Variants in ARHGAP17 observed in about 807,000 individuals in gnomAD.
ARHGAP17 encodes Rho GTPase activating protein 17.
ARHGAP17 carries 57 observed loss-of-function variants against 99.5 expected under a neutral mutation model. The ratio of observed to expected loss-of-function variants is 0.57; its 90% CI spans 0.46 to 0.71. The LOEUF (loss-of-function observed/expected upper bound fraction) is 0.71, where lower values mean the gene tolerates loss of function less well. Ranked by LOEUF, ARHGAP17 falls within the 30% of genes least tolerant of loss-of-function variation. The pLI, the probability that ARHGAP17 is intolerant of heterozygous loss-of-function variation, is 0.00. For synonymous variants in ARHGAP17, 417 were observed against 429.6 expected (o/e 0.97, Z 0.36); for missense variants, 1,000 against 1,122.4 (o/e 0.89, Z 1.56).
rs1285259763 is a variant in ARHGAP17 at position 24,952,976 on chromosome 16, T to C, written c.919A>G (p.Thr307Ala). Residue 307 changes from threonine (T) to alanine (A), a missense_variant, in exon 11 of 20, where the codon ACT becomes GCT. Physicochemically the swap from Thr to Ala is moderately conservative, Grantham distance 58. Transcript: ENST00000289968. ...KKLKAALDCS[T>A]SHLDEFYSDP... ...GAATAGAACTCATCCAGGTGAGAAG[T>C]AGAACAGTCCAAAGCAGCTTTCAGC... 5.6e-6 allele frequency: 9 copies of C among 1,614,074 alleles called. No homozygotes were observed. Among genetic ancestry groups the C allele is most frequent in the Middle Eastern group, 1.6e-4 (1 of 6,084 alleles).
At chr16:25,004,553 G>A (rs897535151) in intron 1 of ARHGAP17, among the ~76,000 whole-genome samples, 1 of 152,134 alleles carries the variant, frequency 6.6e-6, no homozygotes, top group Non-Finnish European at 1.5e-5. Flanking sequence ...ACAGCTGATG[G>A]GTGCTTTTAA....
chr16:24,968,793 A>G, intron 4 of ARHGAP17, 21 bp from the exon 5 acceptor site: 2 of 1,610,928 alleles, frequency 1.2e-6, no homozygotes, highest in Non-Finnish European at 1.7e-6. Context: ...AAGACCCCCA[A>G]CAACGAGCAC....
At chr16:24,960,799 G>C (rs2141272672) in intron 7 of ARHGAP17, among the ~76,000 whole-genome samples, 1 of 148,654 alleles carries the variant, frequency 6.7e-6, no homozygotes, top group South Asian at 2.4e-4. Flanking sequence ...CCTGGCAACA[G>C]TGCAAGACTC....
intron 1 of ARHGAP17, among the ~76,000 whole-genome samples, chr16:24,990,063 T>C (rs1232556995): frequency 1.3e-5 from 2 of 152,236 alleles, no homozygotes; most frequent in Admixed American, 1.3e-4. Context: ...GATACGATAA[T>C]TATGCTGATT....
Position 24,939,524 on chromosome 16 carries a change from C to A in ARHGAP17, c.1564G>T (p.Ala522Ser). Residue 522 changes from alanine to serine, a missense_variant, in exon 17 of 20, where the codon GCT becomes TCT. By Grantham distance (99) the Ala-to-Ser change is moderately conservative. Coordinates refer to ENST00000289968, the MANE Select transcript of ARHGAP17 (RefSeq NM_001006634.3). ...GTGGGCGGAAGTGGCGGCTGGAAAGCGGGGGATATGTGCTTTCTATTTAGA... is the reference window on the plus strand; with the variant it reads ...GTGGGCGGAAGTGGCGGCTGGAAAGAGGGGGATATGTGCTTTCTATTTAGA... The part of the protein sequence containing the change: ...GTLNRKHISP[A>S]FQPPLPPTDG... 1 of 1,608,622 alleles carries A rather than the reference C, an allele frequency of 6.2e-7. No individual in the cohort carries two copies. The highest frequency in any genetic ancestry group is 1.7e-5 in the Admixed American group (1 of 58,980).
At chr16:24,998,033 G>A (rs372351202) in intron 1 of ARHGAP17, among the ~76,000 whole-genome samples, 17 of 152,150 alleles carry the variant, frequency 1.1e-4, no homozygotes, top group African/African-American at 3.9e-4. Flanking sequence ...GAGGCCCTGG[G>A]ACACAGCGGA....
At chr16:24,939,141 G>A (rs1426213184) in intron 17 of ARHGAP17, among the ~76,000 whole-genome samples, 1 of 152,200 alleles carries the variant, frequency 6.6e-6, no homozygotes, top group Non-Finnish European at 1.5e-5. Flanking sequence ...AAAGCAGTGT[G>A]GCAAAGAATG....
rs765374262 is a variant in ARHGAP17, at chr16:24,935,605, C to T, written c.1759G>A (p.Val587Met). The change falls in exon 18 of 20, where the codon GTG becomes ATG. Residue 587 changes from valine to methionine, a missense_variant. Val to Met is a conservative substitution (Grantham distance 21). Coordinates refer to ENST00000289968, the MANE Select transcript of ARHGAP17 (RefSeq NM_001006634.3). ...CTGTTGTTTCTCCCTGGTGCTGGCA[C>T]AGCTGCAGATACAGGGTCCTTCGGT... The part of the protein sequence containing the change: ...PKPKDPVSAA[V>M]PAPGRNNSQI... 4.0e-5 allele frequency: 65 copies of T among 1,614,150 alleles called. 1 individual carries two copies. The East Asian group carries it at 7.8e-4, about 19-fold the overall frequency.
Position 24,991,781 on chromosome 16 carries a change from C to T in ARHGAP17, c.54-12776G>A, listed in dbSNP as rs529054541. 2.6e-5 allele frequency among the ~76,000 whole-genome samples: 4 copies of T among 152,226 alleles called. No homozygotes were observed. The South Asian group carries it at 8.3e-4, about 32-fold the overall frequency. Reference sequence around the variant, plus strand: ...AGTCTCCAAGTATAAACCATCCATCCGAGGATGGACTTACTTCAAGAGCCT... The same window carrying T: ...AGTCTCCAAGTATAAACCATCCATCTGAGGATGGACTTACTTCAAGAGCCT... On this transcript the variant is annotated intron_variant, in intron 1 of 19. Transcript: ENST00000289968.
In ARHGAP17 at chr16:24,952,980, A is replaced by C; in HGVS notation, c.915T>G (p.Cys305Trp). The C allele has an allele frequency of 6.2e-7, 1 of 1,614,242 alleles. No homozygotes were observed. Among genetic ancestry groups the C allele is most frequent in the Non-Finnish European group, 8.5e-7 (1 of 1,180,042 alleles). ...KLKKLKAALD[C>W]STSHLDEFYS... ...AGAACTCATCCAGGTGAGAAGTAGA[A>C]CAGTCCAAAGCAGCTTTCAGCTTCT... Residue 305 changes from cysteine to tryptophan, a missense_variant, in exon 11 of 20, where the codon TGT becomes TGG. Coordinates refer to ENST00000289968, the MANE Select transcript of ARHGAP17 (RefSeq NM_001006634.3).
At position 24,935,535 on chromosome 16, in the gene ARHGAP17, G is replaced by A; in HGVS notation, c.1829C>T (p.Ser610Phe). Residue 610 changes from serine to phenylalanine, a missense_variant, in exon 18 of 20, where the codon TCC becomes TTC. Transcript: ENST00000289968. ...GQNQPQAAAG[S>F]HQLSMGQPHN... ...AGGTTGGCCCATGGAGAGCTGGTGG[G>A]AGCCAGCAGCTGCCTGGGGCTGATT... is the stretch of plus-strand genomic sequence containing the variant. 6.2e-7 allele frequency: 1 copy of A among 1,613,664 alleles called. No homozygotes were observed. Among genetic ancestry groups the A allele is most frequent in the East Asian group, 2.2e-5 (1 of 44,868 alleles).
chr16:24,990,741 T>C (rs981803152), intron 1 of ARHGAP17, among the ~76,000 whole-genome samples: 1 of 148,774 alleles, frequency 6.7e-6, no homozygotes, highest in Non-Finnish European at 1.5e-5. Flanking sequence ...CTAAAACAAA[T>C]GAATTAGAAC....
intron 3 of ARHGAP17, among the ~76,000 whole-genome samples, chr16:24,976,257 T>C (rs1172534430): frequency 6.6e-6 from 1 of 152,226 alleles, no homozygotes; most frequent in Non-Finnish European, 1.5e-5. Flanking sequence ...CCAAGTATGG[T>C]GGCTCATGCC....
At chr16:24,995,082 C>T (rs2053155713) in intron 1 of ARHGAP17, among the ~76,000 whole-genome samples, 1 of 152,142 alleles carries the variant, frequency 6.6e-6, no homozygotes, top group South Asian at 2.1e-4. Flanking sequence ...ACTTATAAAA[C>T]CATGAGATCT....
chr16:24,937,131 AC>A (rs2051163811), intron 17 of ARHGAP17, among the ~76,000 whole-genome samples: 1 of 148,120 alleles, frequency 6.8e-6, no homozygotes, highest in African/African-American at 2.6e-5. Context: ...AAAAAAAACA[AC>A]AAAAAACAGG....
At chr16:24,935,854 A>T in intron 17 of ARHGAP17, 1 of 569,792 alleles carries the variant, frequency 1.8e-6, no homozygotes, top group Non-Finnish European at 3.1e-6. Flanking sequence ...TTTTTTTTTT[A>T]AGAGATGAGG....
intron 1 of ARHGAP17, 49 bp from the exon 2 acceptor site, chr16:24,979,054 C>T: frequency 7.6e-7 from 1 of 1,314,466 alleles, no homozygotes; most frequent in Non-Finnish European, 1.1e-6. Flanking sequence ...AAATGAAAGG[C>T]AACTCCTAAA....
chr16:24,954,497 TG>T (rs2051745002), intron 10 of ARHGAP17, 105 bp downstream of exon 10: 1 of 1,448,560 alleles, frequency 6.9e-7, no homozygotes, highest in Non-Finnish European at 9.2e-7. Flanking sequence ...GGACAATGGC[TG>T]TATAACTAAG....
At position 24,926,003 on chromosome 16, in the gene ARHGAP17, G is replaced by A. The variant is rs551707114; in HGVS notation, c.2515+4781C>T. Among the ~76,000 whole-genome samples, 5 of 151,490 alleles carry A rather than the reference G, an allele frequency of 3.3e-5. No individual in the cohort carries two copies. The East Asian group carries it at 7.9e-4, about 24-fold the overall frequency. ...TGGGCGCCTGTAGTCCCAGCTACTC[G>A]GGAGGCTGAGGCAGAAGAATGGTGT... On this transcript the variant is annotated intron_variant, in intron 19 of 19. Coordinates refer to ENST00000289968, the MANE Select transcript of ARHGAP17 (RefSeq NM_001006634.3).
Sources: gnomAD v4.1 joint callset for allele counts (sites outside exome capture counted in the v4.1 genomes callset) on GRCh38, gnomAD v4.1.1 for gene constraint, MANE v1.5 for transcripts, NCBI Gene and HGNC (gene_info 2026-07-23, HGNC 2026-07-21) for gene names.